The following MBTPS2 variants were observed in gnomAD, a reference collection of about 807,000 sequenced individuals.
MBTPS2 encodes the protein membrane bound transcription factor peptidase, site 2, also known as membrane-bound transcription factor site-2 protease.
Under a neutral mutation model 35.4 loss-of-function variants are expected in MBTPS2, and 2 were observed. The observed-to-expected ratio is 0.06, with a 90% CI of 0.02 to 0.18. The LOEUF is 0.18. Among genes scored for constraint, MBTPS2 ranks in the 10% least tolerant of loss-of-function variants. The pLI, the probability that MBTPS2 is intolerant of heterozygous loss-of-function variation, is 1.00. For missense variants in MBTPS2, 244 were observed against 386.5 expected, an observed-to-expected ratio of 0.63 and a Z score of 3.09; for synonymous variants, 125 against 140.4, an observed-to-expected ratio of 0.89 and a Z score of 0.77.
chrX:21,851,680 A>C, intron 4 of MBTPS2, 68 bp downstream of exon 4: 1 of 716,167 alleles, frequency 1.4e-6, no homozygotes, highest in Non-Finnish European at 2.3e-6. Flanking sequence ...AGGATTTATT[A>C]CTAAAATCTG....
At chrX:21,873,733 C>T (rs1043470537) in intron 7 of MBTPS2, among the ~76,000 whole-genome samples, 57 of 110,135 alleles carry the variant, frequency 5.2e-4, no homozygotes, top group African/African-American at 1.8e-3. Flanking sequence ...AACTGTCTTA[C>T]GTATCTTTAA....
chrX:21,844,502 G>A (rs1261295232), intron 2 of MBTPS2, among the ~76,000 whole-genome samples: 2 of 111,920 alleles, frequency 1.8e-5, no homozygotes, highest in Admixed American at 1.9e-4. Context: ...TGACACAGTG[G>A]GACCCTGTCT....
chrX:21,858,733 T>TA (rs1374572695), intron 5 of MBTPS2: 1 of 117,328 alleles, frequency 8.5e-6, no homozygotes, highest in Non-Finnish European at 1.9e-5. Context: ...CTACCAAAAA[T>TA]AAAAAAATTA....
chrX:21,870,241 G>T (rs1338041328), intron 7 of MBTPS2: 1 of 99,918 alleles, frequency 1.0e-5, no homozygotes, highest in Non-Finnish European at 2.0e-5. Context: ...AAAAAAATCA[G>T]CATTCAAGGT....
At chrX:21,856,547 G>C in intron 5 of MBTPS2, 5 of 1,211,583 alleles carry the variant, frequency 4.1e-6, no homozygotes, top group Non-Finnish European at 4.5e-6. Flanking sequence ...ATATTGTGGA[G>C]CTCCACGACA....
At position 21,884,799 on chromosome X, in the gene MBTPS2, G is replaced by C. The variant is rs927977068; in HGVS notation, c.*2144G>C. 9 of 674,683 alleles carry C rather than the reference G, an allele frequency of 1.3e-5. No individual in the cohort carries two copies. In the African/African-American group the frequency reaches 1.7e-4, roughly 13 times the overall value. 55.6% of individuals were successfully genotyped at this position (674,683 alleles called of 1,213,427 possible). On this transcript the variant is annotated 3_prime_UTR_variant, in exon 11 of 11. Transcript: ENST00000379484. ...AATGATTAGTGTTATTTATGGATTA[G>C]AAAAAGCATGTTTCTATTTAAGTAA...
chrX:21,868,033 T>G (rs747941363), intron 5 of MBTPS2, among the ~76,000 whole-genome samples: 16 of 112,142 alleles, frequency 1.4e-4, no homozygotes, highest in Non-Finnish European at 3.0e-4. Flanking sequence ...CATAATAGTT[T>G]AGTTCTTAAA....
At position 21,867,605 on chromosome X, in the gene MBTPS2, A is replaced by G. The variant is rs1177639041; in HGVS notation, c.671-862A>G. 5.8e-5 allele frequency among the ~76,000 whole-genome samples: 6 copies of G among 104,086 alleles called. No individual in the cohort carries two copies. The East Asian group carries it at 1.8e-3, about 32-fold the overall frequency. The allele number at this position is 104,086 out of a possible 115,157, so 90.4% of individuals were successfully genotyped here. A position where few individuals can be genotyped will look rare whatever the true frequency, so the allele number is the denominator to read the frequency against. Reference sequence around the variant, plus strand: ...TTTGAGTACCTAAATTTTAGGGTTTAAAAAAAAATAATAAAGACGGTTTTC... The same window carrying G: ...TTTGAGTACCTAAATTTTAGGGTTTGAAAAAAAATAATAAAGACGGTTTTC... On this transcript the variant is annotated intron_variant, in intron 5 of 10. Transcript: ENST00000379484.
intron 9 of MBTPS2, among the ~76,000 whole-genome samples, chrX:21,880,312 G>A (rs2092958007): frequency 9.0e-6 from 1 of 110,988 alleles, no homozygotes; most frequent in Non-Finnish European, 1.9e-5. Context: ...AGATACAACC[G>A]AGGTCATTTT....
At chrX:21,875,709 A>C (rs983218072) in intron 7 of MBTPS2, among the ~76,000 whole-genome samples, 2 of 112,256 alleles carry the variant, frequency 1.8e-5, no homozygotes, top group Non-Finnish European at 3.8e-5. Context: ...GGGAGCTCAA[A>C]GTTGAGTCAG....
chrX:21,856,979 C>A, intron 5 of MBTPS2: 1 of 1,212,069 alleles, frequency 8.3e-7, no homozygotes, highest in Non-Finnish European at 1.1e-6. Context: ...CCAGCCTGGG[C>A]ACGAGGAAGT....
chrX:21,865,983 T>G (rs2092939228), intron 5 of MBTPS2, among the ~76,000 whole-genome samples: 1 of 111,420 alleles, frequency 9.0e-6, no homozygotes, highest in Admixed American at 9.6e-5. Context: ...GTTTTTTTGT[T>G]TCTTTGAGAC....
chrX:21,878,212 C>T lies in MBTPS2; in HGVS notation c.1065+76C>T, dbSNP rs2092955189. The stretch of plus-strand genomic sequence containing the variant: ...TAAGCATATAGAGCTAAAATGGAAT[C>T]TATGGAAACTTCTCTCTTTTGCTCT... On this transcript the variant is annotated intron_variant, in intron 8 of 10. Coordinates refer to ENST00000379484, the MANE Select transcript of MBTPS2 (RefSeq NM_015884.4). 14 of 667,031 alleles carry T rather than the reference C, an allele frequency of 2.1e-5. No individual in the cohort carries two copies. In the South Asian group the frequency reaches 3.0e-4, roughly 14 times the overall value. 55.0% of individuals were successfully genotyped at this position (667,031 alleles called of 1,213,427 possible). A position where few individuals can be genotyped will look rare whatever the true frequency, so the allele number is the denominator to read the frequency against.
chrX:21,855,559 G>A (rs1171743039), intron 5 of MBTPS2, among the ~76,000 whole-genome samples: 3 of 109,622 alleles, frequency 2.7e-5, no homozygotes, highest in Non-Finnish European at 5.7e-5. Context: ...AGCCTCCCGA[G>A]TAGCTAGGAT....
At position 21,884,186 on chromosome X, in the gene MBTPS2, A is replaced by G; in HGVS notation, c.*1531A>G. Reference sequence around the variant, plus strand: ...ATATAATTTTAACATTTTATTAATGACTTGGGTCATCAGTTAATACCAGTA... The same window carrying G: ...ATATAATTTTAACATTTTATTAATGGCTTGGGTCATCAGTTAATACCAGTA... On this transcript the variant is annotated 3_prime_UTR_variant, in exon 11 of 11. Coordinates refer to ENST00000379484, the MANE Select transcript of MBTPS2 (RefSeq NM_015884.4). 1 of 699,425 alleles carries G rather than the reference A, an allele frequency of 1.4e-6. No homozygotes were observed. Among genetic ancestry groups the G allele is most frequent in the Non-Finnish European group, 1.7e-6 (1 of 589,001 alleles). The allele number at this position is 699,425 out of a possible 1,213,427, so 57.6% of individuals were successfully genotyped here.
At position 21,869,245 on chromosome X, in the gene MBTPS2, T is replaced by C. The variant is rs1442226735; in HGVS notation, c.790-253T>C. On this transcript the variant is annotated intron_variant, in intron 6 of 10. Coordinates refer to ENST00000379484, the MANE Select transcript of MBTPS2 (RefSeq NM_015884.4). ...GGCAGTTTGGGAAAAAATTTTATCA[T>C]TTTAGTCTTAACAGTCAGCAAGTCG... Among the ~76,000 whole-genome samples the C allele has an allele frequency of 2.7e-5, 3 of 112,359 alleles. No homozygotes were observed. In the East Asian group the frequency reaches 8.3e-4, roughly 31 times the overall value.
chrX:21,881,134 G>C lies in MBTPS2; in HGVS notation c.1337+162G>C, dbSNP rs763399229. On this transcript the variant is annotated intron_variant, in intron 10 of 10. Coordinates refer to ENST00000379484, the MANE Select transcript of MBTPS2 (RefSeq NM_015884.4). ...GATGAAAAAGATCAGATTGTACCCA[G>C]GAGGGAAGAAGTCAGAGGAGAAAGA... Among the ~76,000 whole-genome samples, 89 of 112,234 alleles carry C rather than the reference G, an allele frequency of 7.9e-4. 5 individuals carry two copies. The highest frequency in any genetic ancestry group is 1.5e-4 in the Non-Finnish European group (8 of 53,265).
chrX:21,856,961 C>T, intron 5 of MBTPS2: 3 of 1,212,016 alleles, frequency 2.5e-6, no homozygotes, highest in Non-Finnish European at 3.3e-6. Context: ...ACCCGGCAGG[C>T]AGCAGCTCCA....
chrX:21,882,366 T>C, intron 10 of MBTPS2, 67 bp from the exon 11 acceptor site: 1 of 807,225 alleles, frequency 1.2e-6, no homozygotes, highest in South Asian at 2.0e-5. Flanking sequence ...AAATATCTTC[T>C]GACTCATAGA....
Sources: allele counts gnomAD v4.1 joint callset (sites outside exome capture counted in the v4.1 genomes callset), GRCh38; gene constraint gnomAD v4.1.1; transcripts MANE v1.5; gene names NCBI Gene and HGNC (gene_info 2026-07-23, HGNC 2026-07-21).